SLC35F4: variants seen among roughly 807,000 people sequenced by gnomAD.
SLC35F4 encodes solute carrier family 35 member F4.
Under a neutral mutation model 44.2 loss-of-function variants are expected in SLC35F4, and 24 were observed. That is an observed-to-expected ratio of 0.54 (90% confidence interval 0.39 to 0.76). The LOEUF is 0.76. Among genes scored for constraint, SLC35F4 ranks in the 30% least tolerant of loss-of-function variants. The pLI, the probability that SLC35F4 is intolerant of heterozygous loss-of-function variation, is 0.00. For missense variants in SLC35F4, 562 were observed against 586.1 expected, an observed-to-expected ratio of 0.96 and a Z score of 0.42; for synonymous variants, 238 against 223.6, an observed-to-expected ratio of 1.06 and a Z score of -0.57.
chr14:57,641,402 A>G (rs1388592272), intron 1 of SLC35F4, among the ~76,000 whole-genome samples: 1 of 151,958 alleles, frequency 6.6e-6, no homozygotes, highest in African/African-American at 2.4e-5. Flanking sequence ...CTCATCTTTA[A>G]GATGAGAGAG....
rs1261457489 is a variant in SLC35F4, at chr14:57,936,223, G to T, written n.282+45690C>A. On this transcript the variant is annotated intron_variant and non_coding_transcript_variant, in intron 1 of 1. Coordinates refer to the SLC35F4 transcript ENST00000556568. ...GAAGAACATAATAATGAAACTACAA[G>T]TTAGAAGCAGGCATGGATCAGATGT... Among the ~76,000 whole-genome samples the T allele has an allele frequency of 3.9e-5, 6 of 152,310 alleles. No individual in the cohort carries two copies. The East Asian group carries it at 9.6e-4, about 24-fold the overall frequency.
At chr14:57,635,115 A>G (rs1194944800) in intron 1 of SLC35F4, among the ~76,000 whole-genome samples, 1 of 151,946 alleles carries the variant, frequency 6.6e-6, no homozygotes, top group African/African-American at 2.4e-5. Context: ...GTGTGATGGC[A>G]TGCACCTATA....
At chr14:57,920,076 C>T (rs1302917701) in intron 1 of SLC35F4, among the ~76,000 whole-genome samples, 1 of 152,116 alleles carries the variant, frequency 6.6e-6, no homozygotes, top group African/African-American at 2.4e-5. Flanking sequence ...ACAATATATG[C>T]ACGTTGTTTC....
chr14:57,870,874 C>T (rs909003091), upstream of SLC35F4, among the ~76,000 whole-genome samples: 1 of 152,208 alleles, frequency 6.6e-6, no homozygotes, highest in Non-Finnish European at 1.5e-5. Context: ...GTAATGATCA[C>T]GTGAGGCAGA....
intron 1 of SLC35F4, among the ~76,000 whole-genome samples, chr14:57,782,575 T>C (rs949278093): frequency 9.9e-5 from 15 of 152,154 alleles, no homozygotes; most frequent in African/African-American, 3.4e-4. Flanking sequence ...AGCATTAAAT[T>C]GTAACTGCAT....
intron 1 of SLC35F4, among the ~76,000 whole-genome samples, chr14:57,891,208 C>G (rs1383280846): frequency 6.6e-6 from 1 of 152,190 alleles, no homozygotes; most frequent in Admixed American, 6.5e-5. Context: ...AATGGAAAAA[C>G]TAAAGTTTCT....
chr14:57,881,315 T>G (rs1888530076), intron 1 of SLC35F4, among the ~76,000 whole-genome samples: 1 of 152,198 alleles, frequency 6.6e-6, no homozygotes, highest in Non-Finnish European at 1.5e-5. Context: ...TAAGGGTGCC[T>G]CCTACTCCTT....
At chr14:57,935,716 A>T (rs371736628) in intron 1 of SLC35F4, among the ~76,000 whole-genome samples, 1 of 152,216 alleles carries the variant, frequency 6.6e-6, no homozygotes, top group South Asian at 2.1e-4. Context: ...TTACTTTACC[A>T]TACCCATATA....
intron 1 of SLC35F4, among the ~76,000 whole-genome samples, chr14:57,730,081 G>A (rs1443297278): frequency 6.6e-6 from 1 of 152,192 alleles, no homozygotes; most frequent in African/African-American, 2.4e-5. Context: ...GGTGGCTGCT[G>A]GGGTACGGGG....
At chr14:57,756,813 T>A (rs1261200635) in intron 1 of SLC35F4, among the ~76,000 whole-genome samples, 1 of 148,598 alleles carries the variant, frequency 6.7e-6, no homozygotes, top group Non-Finnish European at 1.5e-5. Context: ...CACCACCAAA[T>A]CTGCCTAATT....
chr14:57,726,032 T>G (rs1486517659), intron 1 of SLC35F4, among the ~76,000 whole-genome samples: 1 of 152,158 alleles, frequency 6.6e-6, no homozygotes, highest in Non-Finnish European at 1.5e-5. Context: ...CTGGATACTT[T>G]GGGATCCTCT....
intron 1 of SLC35F4, among the ~76,000 whole-genome samples, chr14:57,658,237 T>A (rs1340614827): frequency 6.6e-6 from 1 of 152,216 alleles, no homozygotes; most frequent in Non-Finnish European, 1.5e-5. Context: ...AGAACATTGA[T>A]ACTATTTTTC....
At chr14:57,968,399 CCTG>C (rs1348732049) in intron 1 of SLC35F4, among the ~76,000 whole-genome samples, 1 of 152,192 alleles carries the variant, frequency 6.6e-6, no homozygotes, top group African/African-American at 2.4e-5. Context: ...ACTCTTTTTA[CCTG>C]CTGTCTGATA....
chr14:57,874,175 T>C (rs1387961583), intron 1 of SLC35F4, among the ~76,000 whole-genome samples: 1 of 152,154 alleles, frequency 6.6e-6, no homozygotes, highest in Non-Finnish European at 1.5e-5. Context: ...CTCAGCTGTT[T>C]CAAAAGGATT....
intron 1 of SLC35F4, among the ~76,000 whole-genome samples, chr14:57,891,269 A>T (rs981279377): frequency 3.9e-5 from 6 of 152,216 alleles, no homozygotes; most frequent in African/African-American, 7.2e-5. Flanking sequence ...GTGAAATTTC[A>T]TTAAGCATCT....
rs984237341 is a variant in SLC35F4 at position 57,680,237 on chromosome 14, A to G, written c.104-86113T>C. On this transcript the variant is annotated intron_variant, in intron 1 of 7. Transcript: ENST00000556826. ...GTTCTACATTAGCAAATCAATAAAC[A>G]TAAACCATCACATAAACAGAATCAA... 3.5e-4 allele frequency among the ~76,000 whole-genome samples: 53 copies of G among 152,186 alleles called. 1 individual carries two copies. Among genetic ancestry groups the G allele is most frequent in the African/African-American group, 1.3e-3 (52 of 41,474 alleles).
At chr14:57,880,069 GAA>G (rs1888496053) in intron 1 of SLC35F4, among the ~76,000 whole-genome samples, 1 of 123,958 alleles carries the variant, frequency 8.1e-6, no homozygotes. Flanking sequence ...AGGAAGGAAG[GAA>G]GGAAGGAAGG....
chr14:57,731,496 A>G (rs1021390378), intron 1 of SLC35F4, among the ~76,000 whole-genome samples: 1 of 152,116 alleles, frequency 6.6e-6, no homozygotes, highest in East Asian at 1.9e-4. Flanking sequence ...CTTTTGCCAG[A>G]GCCTTTTTCT....
intron 1 of SLC35F4, among the ~76,000 whole-genome samples, chr14:57,612,738 T>C (rs903696670): frequency 4.6e-5 from 7 of 152,336 alleles, no homozygotes; most frequent in Non-Finnish European, 7.3e-5. Context: ...TGTGCATATG[T>C]CTTATCATCT....
Sources: allele counts gnomAD v4.1 joint callset (sites outside exome capture counted in the v4.1 genomes callset), GRCh38; gene constraint gnomAD v4.1.1; transcripts MANE v1.5; gene names NCBI Gene and HGNC (gene_info 2026-07-23, HGNC 2026-07-21).